Variants in PSD3 observed in about 807,000 individuals in gnomAD.
The protein encoded by PSD3 is PH and SEC7 domain-containing protein 3.
Under a neutral mutation model 105.5 loss-of-function variants are expected in PSD3, and 49 were observed. That is an observed-to-expected ratio of 0.46 (90% CI 0.37 to 0.59). The LOEUF is 0.59. PSD3 is among the 20% of genes least tolerant of loss of function. The probability of loss-of-function intolerance (pLI) is 0.00; values close to 1 mark genes in which losing one functional copy is unlikely to be tolerated. For synonymous variants in PSD3, 557 were observed against 457.8 expected, an observed-to-expected ratio of 1.22 and a Z score of -2.77; for missense variants, 1,561 against 1,263.8, an observed-to-expected ratio of 1.24 and a Z score of -3.57.
At chr8:18,614,489 G>A (rs927488525) in intron 11 of PSD3, among the ~76,000 whole-genome samples, 3 of 151,854 alleles carry the variant, frequency 2.0e-5, no homozygotes, top group African/African-American at 7.3e-5. Context: ...GAATAAAACT[G>A]TGGTCGATTA....
At chr8:19,029,597 A>G (rs1488579382) in intron 1 of PSD3, among the ~76,000 whole-genome samples, 1 of 152,156 alleles carries the variant, frequency 6.6e-6, no homozygotes, top group Non-Finnish European at 1.5e-5. Context: ...AGATCTTGTG[A>G]GAACTCAGTA....
intron 1 of PSD3, among the ~76,000 whole-genome samples, chr8:18,963,574 C>T (rs1270404053): frequency 6.6e-6 from 1 of 152,164 alleles, no homozygotes; most frequent in African/African-American, 2.4e-5. Context: ...GAGACCACCA[C>T]AGTGTTTAAA....
At chr8:19,081,471 C>T (rs1247904860) in intron 1 of PSD3, among the ~76,000 whole-genome samples, 1 of 152,210 alleles carries the variant, frequency 6.6e-6, no homozygotes, top group Non-Finnish European at 1.5e-5. Context: ...GCCCAAGCTG[C>T]TTCATCCTAG....
rs1209019640 is a variant in PSD3, at chr8:18,568,991, A to G, written c.2784+3537T>C. Among the ~76,000 whole-genome samples, 27 of 145,376 alleles carry G rather than the reference A, an allele frequency of 1.9e-4. No individual in the cohort carries two copies. In the Admixed American group the frequency reaches 1.9e-3, roughly 10 times the overall value. ...TTGTTCTTGCGATAGCTTACTGAGAATGATGATTTCCAATTTCATCCATGT... is the reference window on the plus strand; with the variant it reads ...TTGTTCTTGCGATAGCTTACTGAGAGTGATGATTTCCAATTTCATCCATGT... On this transcript the variant is annotated intron_variant, in intron 14 of 15. Transcript: ENST00000327040.
chr8:18,686,670 A>G (rs1351686782), intron 9 of PSD3, among the ~76,000 whole-genome samples: 4 of 152,122 alleles, frequency 2.6e-5, no homozygotes, highest in Admixed American at 2.6e-4. Context: ...CTACTGACCT[A>G]AACTTAATCC....
At chr8:18,641,222 C>G (rs1807618944) in intron 10 of PSD3, among the ~76,000 whole-genome samples, 1 of 152,146 alleles carries the variant, frequency 6.6e-6, no homozygotes, top group Admixed American at 6.5e-5. Flanking sequence ...CCTCACCTTA[C>G]AACCAGCCTA....
At chr8:18,768,446 A>C (rs1585901945) in intron 8 of PSD3, among the ~76,000 whole-genome samples, 1 of 152,068 alleles carries the variant, frequency 6.6e-6, no homozygotes, top group South Asian at 2.1e-4. Context: ...ACAATATGAA[A>C]ATTAGCTGGG....
At chr8:18,666,455 A>G (rs1246923317) in intron 9 of PSD3, among the ~76,000 whole-genome samples, 3 of 152,206 alleles carry the variant, frequency 2.0e-5, no homozygotes, top group Non-Finnish European at 4.4e-5. Flanking sequence ...AACCTGTAGT[A>G]TCTCCAAGGT....
chr8:18,661,006 T>G (rs1441378118), intron 9 of PSD3, among the ~76,000 whole-genome samples: 1 of 152,222 alleles, frequency 6.6e-6, no homozygotes, highest in Non-Finnish European at 1.5e-5. Flanking sequence ...AAATGCAATT[T>G]TATTCAAGGC....
chr8:18,915,377 C>A (rs1820517260), intron 2 of PSD3, among the ~76,000 whole-genome samples: 1 of 152,082 alleles, frequency 6.6e-6, no homozygotes, highest in African/African-American at 2.4e-5. Flanking sequence ...TAACACACAA[C>A]AAAGGAAACA....
At chr8:18,687,842 C>A (rs1255568521) in intron 9 of PSD3, among the ~76,000 whole-genome samples, 1 of 152,168 alleles carries the variant, frequency 6.6e-6, no homozygotes, top group African/African-American at 2.4e-5. Context: ...TCTTGGCTGA[C>A]TGTAACCTCC....
At chr8:18,859,958 C>T (rs1279910363) in intron 4 of PSD3, among the ~76,000 whole-genome samples, 1 of 152,214 alleles carries the variant, frequency 6.6e-6, no homozygotes, top group Admixed American at 6.5e-5. Context: ...CACAACTTGG[C>T]TGTTTGGTGC....
At chr8:18,982,992 T>C (rs1402816693) in intron 1 of PSD3, among the ~76,000 whole-genome samples, 4 of 152,248 alleles carry the variant, frequency 2.6e-5, no homozygotes, top group East Asian at 1.9e-4. Flanking sequence ...CGGCATCTTT[T>C]CCCAATAGAA....
chr8:18,590,295 T>A (rs577085293), intron 12 of PSD3, among the ~76,000 whole-genome samples: 1 of 152,026 alleles, frequency 6.6e-6, no homozygotes, highest in Admixed American at 6.6e-5. Flanking sequence ...CCATGAGGGG[T>A]CGCCATCTGA....
intron 1 of PSD3, among the ~76,000 whole-genome samples, chr8:18,976,149 T>C: frequency 6.6e-6 from 1 of 151,952 alleles, no homozygotes; most frequent in East Asian, 1.9e-4. Context: ...ATGCTTATAC[T>C]AGAAAGACAT....
At chr8:18,561,100 G>C (rs879862268) in intron 14 of PSD3, among the ~76,000 whole-genome samples, 1 of 152,194 alleles carries the variant, frequency 6.6e-6, no homozygotes. Context: ...TGTAGCCAAA[G>C]AAATGAAATC....
intron 11 of PSD3, among the ~76,000 whole-genome samples, chr8:18,613,013 C>A (rs13261247): frequency 1.3e-5 from 2 of 151,900 alleles, no homozygotes; most frequent in Non-Finnish European, 2.9e-5. Flanking sequence ...GGTTGGAAAA[C>A]AGGTCAGAAC....
intron 2 of PSD3, among the ~76,000 whole-genome samples, chr8:18,899,727 C>T (rs1267244934): frequency 6.6e-6 from 1 of 152,108 alleles, no homozygotes; most frequent in Non-Finnish European, 1.5e-5. Flanking sequence ...AACTTAGGGA[C>T]AAAGCACTGA....
At chr8:18,868,281 A>G (rs73202141) in intron 3 of PSD3, among the ~76,000 whole-genome samples, 5,788 of 152,278 alleles carry the variant, frequency 0.038, 168 homozygotes, top group Non-Finnish European at 0.052. Context: ...ATACTTTAAT[A>G]AAGTTTCAAA....
Sources: gnomAD v4.1 joint callset for allele counts (sites outside exome capture counted in the v4.1 genomes callset) on GRCh38, gnomAD v4.1.1 for gene constraint, MANE v1.5 for transcripts, NCBI Gene and HGNC (gene_info 2026-07-23, HGNC 2026-07-21) for gene names.